PCSK5: variants seen among roughly 807,000 people sequenced by gnomAD.
The protein encoded by PCSK5 is proprotein convertase subtilisin/kexin type 5.
PCSK5 carries 129 observed loss-of-function variants against 233.2 expected under a neutral mutation model. The observed-to-expected ratio is 0.55, with a 90% CI of 0.48 to 0.64. PCSK5 has a LOEUF of 0.64. Ranked by LOEUF, PCSK5 falls within the 30% of genes least tolerant of loss-of-function variation. PCSK5 has a pLI of 0.00. For synonymous variants in PCSK5, 825 were observed against 879.2 expected (o/e 0.94, Z 1.09); for missense variants, 2,076 against 2,430.1 (o/e 0.85, Z 3.06).
chr9:76,215,927 T>C (rs1454186846), intron 20 of PCSK5, among the ~76,000 whole-genome samples: 2 of 149,222 alleles, frequency 1.3e-5, no homozygotes, highest in South Asian at 2.2e-4. Context: ...TGACAAAGCA[T>C]GATTCTGTCT....
At chr9:76,260,366 T>C (rs1827130207) in intron 24 of PCSK5, among the ~76,000 whole-genome samples, 1 of 152,162 alleles carries the variant, frequency 6.6e-6, no homozygotes, top group African/African-American at 2.4e-5. Context: ...AGGTTAAAGA[T>C]TTTGAGATGG....
At chr9:75,890,327 G>C (rs1431097693), upstream of PCSK5, among the ~76,000 whole-genome samples, 10 of 152,246 alleles carry the variant, frequency 6.6e-5, no homozygotes, top group Admixed American at 6.5e-4. Flanking sequence ...TTTAGAACGA[G>C]GATGAATGAA....
chr9:76,264,072 A>C (rs368385395), intron 24 of PCSK5, among the ~76,000 whole-genome samples: 33 of 152,220 alleles, frequency 2.2e-4, no homozygotes, highest in African/African-American at 7.7e-4. Context: ...TTAAAGCTAC[A>C]GTAACCAAAA....
intron 24 of PCSK5, among the ~76,000 whole-genome samples, chr9:76,267,415 TTATG>T: frequency 6.6e-6 from 1 of 152,250 alleles, no homozygotes; most frequent in East Asian, 1.9e-4. Context: ...GCTTTCTACT[TTATG>T]TGTGATTGTG....
chr9:75,994,400 CTTTTTTTTTTTTTTTTT>C (rs550518074), intron 3 of PCSK5, among the ~76,000 whole-genome samples: 4 of 82,064 alleles, frequency 4.9e-5, no homozygotes, highest in Non-Finnish European at 6.4e-5. Flanking sequence ...TTCTTTCTTT[CTTTTTTTTTTTTTTTTT>C]TTTTTTTTTT....
intron 9 of PCSK5, among the ~76,000 whole-genome samples, chr9:76,122,827 CTT>C (rs71372050): frequency 1.2e-3 from 152 of 127,014 alleles, no homozygotes; most frequent in East Asian, 8.7e-4. Context: ...TTTTTTTTTT[CTT>C]TTTTTTTTTT....
rs932448530 is a variant in PCSK5, at chr9:76,296,849, G to A, written c.3507G>A (p.Glu1169=). The change falls in exon 27 of 38, where the codon GAG becomes GAA. Residue 1169 remains glutamate (E), a synonymous_variant. Coordinates refer to ENST00000674117, the MANE Select transcript of PCSK5 (RefSeq NM_001372043.1). Reference sequence around the variant, plus strand: ...TGCATGCCACCAAGACCCAGGAGGAGGGCAAATTCTGGAATGGTATGTGCC... The same window carrying A: ...TGCATGCCACCAAGACCCAGGAGGAAGGCAAATTCTGGAATGGTATGTGCC... ...MCVHATKTQE[E]GKFWNEAVST... 1 of 1,609,528 alleles carries A rather than the reference G, an allele frequency of 6.2e-7. No individual in the cohort carries two copies. Among genetic ancestry groups the A allele is most frequent in the Non-Finnish European group, 8.5e-7 (1 of 1,178,976 alleles).
intron 20 of PCSK5, among the ~76,000 whole-genome samples, chr9:76,220,741 C>T (rs1017758649): frequency 1.3e-5 from 2 of 151,762 alleles, no homozygotes; most frequent in Non-Finnish European, 2.9e-5. Context: ...TATGCATTAC[C>T]TCACATACTT....
chr9:75,956,665 C>G (rs1202642374), intron 2 of PCSK5, among the ~76,000 whole-genome samples: 2 of 151,890 alleles, frequency 1.3e-5, no homozygotes, highest in African/African-American at 4.8e-5. Flanking sequence ...CATAGAAATA[C>G]TGGAATGCTG....
chr9:75,997,273 T>G (rs1164468324), intron 3 of PCSK5, among the ~76,000 whole-genome samples: 4 of 152,200 alleles, frequency 2.6e-5, no homozygotes, highest in Non-Finnish European at 5.9e-5. Context: ...GGAATGCTTC[T>G]TTTTCTTAAT....
chr9:76,328,025 C>T lies in PCSK5; in HGVS notation c.4356C>T (p.Cys1452=), dbSNP rs770065986. 7 of 1,612,028 alleles carry T rather than the reference C, an allele frequency of 4.3e-6. No individual in the cohort carries two copies. The highest frequency in any genetic ancestry group is 5.1e-6 in the Non-Finnish European group (6 of 1,179,086). The change falls in exon 33 of 38, where the codon TGC becomes TGT. Residue 1452 remains cysteine (C), a synonymous_variant. Transcript: ENST00000674117. ...TKECRDCHKS[C]LTCSSSGTCT... ...CGCCCACAGATTGCCACAAGTCCTG[C>T]TTGACCTGCTCATCATCTGGGACCT...
chr9:76,183,146 C>G (rs1004064341), intron 16 of PCSK5, among the ~76,000 whole-genome samples: 2 of 152,152 alleles, frequency 1.3e-5, no homozygotes, highest in African/African-American at 4.8e-5. Flanking sequence ...AAAATTCTAT[C>G]AGGAAGGTTG....
At chr9:76,193,519 C>CTGTT (rs372386594) in intron 20 of PCSK5, 40 of 546,348 alleles carry the variant, frequency 7.3e-5, no homozygotes, top group African/African-American at 7.2e-4. Flanking sequence ...AGATGGTGAA[C>CTGTT]TGTTTTGTCA....
intron 14 of PCSK5, among the ~76,000 whole-genome samples, chr9:76,176,061 G>C (rs1382198385): frequency 6.6e-6 from 1 of 150,800 alleles, no homozygotes; most frequent in Non-Finnish European, 1.5e-5. Flanking sequence ...TATGGTCTCA[G>C]ATATAACACT....
chr9:76,035,339 T>G (rs917922109), intron 5 of PCSK5, among the ~76,000 whole-genome samples: 9 of 152,216 alleles, frequency 5.9e-5, no homozygotes, highest in African/African-American at 1.7e-4. Context: ...CTCGAATTCC[T>G]ATATACCTGT....
At chr9:76,087,232 A>C (rs1378324642) in intron 7 of PCSK5, among the ~76,000 whole-genome samples, 4 of 152,264 alleles carry the variant, frequency 2.6e-5, no homozygotes, top group Non-Finnish European at 5.9e-5. Context: ...ATCTCCGATA[A>C]GGAAATTGAT....
chr9:76,200,943 C>T (rs1824890207), intron 20 of PCSK5, among the ~76,000 whole-genome samples: 1 of 152,228 alleles, frequency 6.6e-6, no homozygotes, highest in Non-Finnish European at 1.5e-5. Flanking sequence ...AACTCTTGGC[C>T]TCCTGCCAAC....
At chr9:76,261,991 C>T (rs1399013984) in intron 24 of PCSK5, among the ~76,000 whole-genome samples, 1 of 152,168 alleles carries the variant, frequency 6.6e-6, no homozygotes. Context: ...ATTGAATACC[C>T]TTTATTTCCT....
At chr9:76,056,340 A>C (rs553898019) in intron 5 of PCSK5, among the ~76,000 whole-genome samples, 1 of 152,302 alleles carries the variant, frequency 6.6e-6, no homozygotes, top group Non-Finnish European at 1.5e-5. Context: ...AACCTCAAAT[A>C]AGTTAATGTT....
Sources: gnomAD v4.1 joint callset for allele counts (sites outside exome capture counted in the v4.1 genomes callset) on GRCh38, gnomAD v4.1.1 for gene constraint, MANE v1.5 for transcripts, NCBI Gene and HGNC (gene_info 2026-07-23, HGNC 2026-07-21) for gene names.